MMP16: variants seen among roughly 807,000 people sequenced by gnomAD.
The protein encoded by MMP16 is matrix metalloproteinase-16.
A neutral mutation model predicts 67.8 loss-of-function variants in MMP16; 12 were observed. The observed-to-expected ratio is 0.18, with a 90% CI of 0.11 to 0.29. MMP16 has a LOEUF of 0.29. Among genes scored for constraint, MMP16 ranks in the 10% least tolerant of loss-of-function variants. The probability of loss-of-function intolerance (pLI) is 1.00; values close to 1 mark genes in which losing one functional copy is unlikely to be tolerated. For synonymous variants in MMP16, 249 were observed against 255.9 expected (o/e 0.97, Z 0.26); for missense variants, 475 against 765.7 (o/e 0.62, Z 4.48).
chr8:88,237,331 T>G (rs1481247640), intron 1 of MMP16, among the ~76,000 whole-genome samples: 1 of 152,158 alleles, frequency 6.6e-6, no homozygotes, highest in Non-Finnish European at 1.5e-5. Flanking sequence ...TGATTCAAAT[T>G]TACATGCCTG....
At chr8:88,146,542 C>A (rs1808292535) in intron 4 of MMP16, among the ~76,000 whole-genome samples, 2 of 151,854 alleles carry the variant, frequency 1.3e-5, no homozygotes, top group Admixed American at 6.6e-5. Flanking sequence ...TAGTCTTTTG[C>A]AATTTGCCCT....
intron 4 of MMP16, among the ~76,000 whole-genome samples, chr8:88,131,011 G>T (rs1000771265): frequency 1.3e-5 from 2 of 151,592 alleles, no homozygotes; most frequent in Non-Finnish European, 3.0e-5. Flanking sequence ...TGATTGCAAA[G>T]AACCTAATTA....
At chr8:88,071,788 C>T (rs1808560536) in intron 7 of MMP16, among the ~76,000 whole-genome samples, 1 of 152,062 alleles carries the variant, frequency 6.6e-6, no homozygotes, top group African/African-American at 2.4e-5. Flanking sequence ...CTGTATGGCC[C>T]ATGATCTAAG....
intron 4 of MMP16, among the ~76,000 whole-genome samples, chr8:88,160,964 G>A (rs1468306285): frequency 6.6e-6 from 1 of 152,164 alleles, no homozygotes; most frequent in Non-Finnish European, 1.5e-5. Flanking sequence ...TTTTATTGAG[G>A]ATTTTTGCAT....
At position 88,312,765 on chromosome 8, in the gene MMP16, T is replaced by TA. The variant is rs1811314796; in HGVS notation, c.132+14309dup. Among the ~76,000 whole-genome samples, 6 of 152,206 alleles carry TA rather than the reference T, an allele frequency of 3.9e-5. No individual in the cohort carries two copies. In the South Asian group the frequency reaches 1.2e-3, roughly 32 times the overall value. On this transcript the variant is annotated intron_variant, in intron 1 of 9. Transcript: ENST00000286614. Reference sequence around the variant, plus strand: ...GGGCAGATCACCTGAGGTCAGGAGTTAGAGACCAGCCTGACCAACACGGTG... The same window carrying TA: ...GGGCAGATCACCTGAGGTCAGGAGTTAAGAGACCAGCCTGACCAACACGGTG...
At chr8:88,235,411 A>C (rs1411947353) in intron 1 of MMP16, among the ~76,000 whole-genome samples, 1 of 150,164 alleles carries the variant, frequency 6.7e-6, no homozygotes, top group Non-Finnish European at 1.5e-5. Flanking sequence ...AAAAAAAATC[A>C]AACTAGGAGA....
intron 4 of MMP16, among the ~76,000 whole-genome samples, chr8:88,142,776 T>G (rs1808233662): frequency 6.6e-6 from 1 of 152,214 alleles, no homozygotes; most frequent in South Asian, 2.1e-4. Flanking sequence ...AAATGGTGAT[T>G]GTATCCTTTT....
At position 88,032,376 on chromosome 8, in the gene MMP16, G is replaced by A. The variant is rs1176582919; in HGVS notation, c.*9085C>T. 1.3e-5 allele frequency: 2 copies of A among 152,062 alleles called. No individual in the cohort carries two copies. The highest frequency in any genetic ancestry group is 2.9e-5 in the Non-Finnish European group (2 of 67,992). The allele number at this position is 152,062 out of a possible 1,614,324, so 9.4% of individuals were successfully genotyped here. A position where few individuals can be genotyped will look rare whatever the true frequency, so the allele number is the denominator to read the frequency against. On this transcript the variant is annotated 3_prime_UTR_variant, in exon 10 of 10. Transcript: ENST00000286614. ...AGTTCAGTCATGTTAATGGTCTATAGCAATGAGATTAATAGCATGACCCCT... is the reference window on the plus strand; with the variant it reads ...AGTTCAGTCATGTTAATGGTCTATAACAATGAGATTAATAGCATGACCCCT...
intron 1 of MMP16, among the ~76,000 whole-genome samples, chr8:88,217,548 A>G (rs1321628487): frequency 1.3e-5 from 2 of 152,022 alleles, no homozygotes; most frequent in African/African-American, 2.4e-5. Flanking sequence ...TTCTCTGCCA[A>G]TGTGGAACTG....
chr8:88,184,229 C>T (rs1343815678), intron 3 of MMP16, among the ~76,000 whole-genome samples: 2 of 152,190 alleles, frequency 1.3e-5, no homozygotes, highest in African/African-American at 4.8e-5. Flanking sequence ...TACTAAATTT[C>T]CTAATTTTCC....
chr8:88,156,191 C>G (rs750468497), intron 4 of MMP16, among the ~76,000 whole-genome samples: 4 of 151,792 alleles, frequency 2.6e-5, no homozygotes, highest in African/African-American at 9.7e-5. Flanking sequence ...ACTTTCTCTA[C>G]TTTTTTTTAA....
chr8:88,245,149 A>T (rs1285286442), intron 1 of MMP16, among the ~76,000 whole-genome samples: 2 of 152,150 alleles, frequency 1.3e-5, no homozygotes, highest in Non-Finnish European at 2.9e-5. Flanking sequence ...CTATGGCTAA[A>T]AGGTGTGACT....
chr8:88,183,712 CTT>C (rs71277981), intron 3 of MMP16, among the ~76,000 whole-genome samples: 8 of 92,066 alleles, frequency 8.7e-5, no homozygotes, highest in Admixed American at 4.7e-4. Flanking sequence ...AAATGTCCTT[CTT>C]TTTTTTTTTT....
At chr8:88,307,814 A>G (rs1275690238) in intron 1 of MMP16, among the ~76,000 whole-genome samples, 2 of 152,082 alleles carry the variant, frequency 1.3e-5, no homozygotes, top group Non-Finnish European at 2.9e-5. Context: ...ACTCAAGATA[A>G]TCTATGGAAA....
chr8:88,229,952 T>C (rs954737409), intron 1 of MMP16, among the ~76,000 whole-genome samples: 1 of 152,134 alleles, frequency 6.6e-6, no homozygotes, highest in Non-Finnish European at 1.5e-5. Flanking sequence ...AATCACTGCG[T>C]CTTTCCTCCA....
chr8:88,102,934 C>G (rs1003349732), intron 6 of MMP16, among the ~76,000 whole-genome samples: 1 of 151,958 alleles, frequency 6.6e-6, no homozygotes, highest in African/African-American at 2.4e-5. Context: ...CTCATTAGCT[C>G]GGTCCCCTAC....
At chr8:88,303,290 G>A (rs1013884351) in intron 1 of MMP16, among the ~76,000 whole-genome samples, 3 of 152,190 alleles carry the variant, frequency 2.0e-5, no homozygotes, top group Non-Finnish European at 4.4e-5. Flanking sequence ...TCAAGCCAGC[G>A]ATGACAGGTT....
intron 6 of MMP16, among the ~76,000 whole-genome samples, chr8:88,108,476 C>A (rs923943783): frequency 7.3e-5 from 11 of 151,208 alleles, no homozygotes; most frequent in Non-Finnish European, 1.3e-4. Context: ...TTTTCCCTGA[C>A]AATGGTTACT....
At chr8:88,189,558 C>T (rs990527555) in intron 2 of MMP16, among the ~76,000 whole-genome samples, 1 of 152,160 alleles carries the variant, frequency 6.6e-6, no homozygotes, top group Non-Finnish European at 1.5e-5. Flanking sequence ...ACTAACAATA[C>T]ATTTTCCCAA....
Sources: allele counts gnomAD v4.1 joint callset (sites outside exome capture counted in the v4.1 genomes callset), GRCh38; gene constraint gnomAD v4.1.1; transcripts MANE v1.5; gene names NCBI Gene and HGNC (gene_info 2026-07-23, HGNC 2026-07-21).